Variants in SGCZ observed in about 807,000 individuals in gnomAD.
SGCZ encodes sarcoglycan zeta.
SGCZ carries 40 observed loss-of-function variants against 41.3 expected under a neutral mutation model. The observed-to-expected ratio is 0.97, with a 90% confidence interval of 0.75 to 1.26. The LOEUF (loss-of-function observed/expected upper bound fraction) is 1.26, where lower values mean the gene tolerates loss of function less well. SGCZ is among the 50% of genes most tolerant of loss of function. The probability of loss-of-function intolerance (pLI) is 0.00; values close to 1 mark genes in which losing one functional copy is unlikely to be tolerated. For missense variants in SGCZ, 552 were observed against 369.8 expected, an observed-to-expected ratio of 1.49 and a Z score of -4.04; for synonymous variants, 206 against 137.5, an observed-to-expected ratio of 1.50 and a Z score of -3.49.
intron 1 of SGCZ, among the ~76,000 whole-genome samples, chr8:14,563,366 G>T (rs932988063): frequency 3.9e-5 from 6 of 152,128 alleles, no homozygotes; most frequent in Non-Finnish European, 7.4e-5. Context: ...CTGGATAGAC[G>T]GCAAAGGCTA....
intron 1 of SGCZ, among the ~76,000 whole-genome samples, chr8:14,732,230 T>G (rs1445314043): frequency 6.6e-6 from 1 of 152,150 alleles, no homozygotes; most frequent in Non-Finnish European, 1.5e-5. Context: ...TTCCACCAGC[T>G]TTAAAACACA....
At chr8:14,831,023 G>C (rs1455506855) in intron 1 of SGCZ, among the ~76,000 whole-genome samples, 1 of 152,114 alleles carries the variant, frequency 6.6e-6, no homozygotes, top group Non-Finnish European at 1.5e-5. Flanking sequence ...TGACTCCTAA[G>C]TAATAATGTG....
intron 4 of SGCZ, among the ~76,000 whole-genome samples, chr8:14,166,545 A>T (rs547807799): frequency 9.8e-5 from 15 of 152,288 alleles, no homozygotes; most frequent in African/African-American, 2.6e-4. Flanking sequence ...GATATCTTAC[A>T]CATAAAACCT....
chr8:14,448,673 T>TA (rs1800504310), intron 2 of SGCZ, among the ~76,000 whole-genome samples: 3 of 144,948 alleles, frequency 2.1e-5, no homozygotes, highest in Admixed American at 1.4e-4. Context: ...CCTCAGTTCA[T>TA]AAATGTTCTT....
chr8:14,897,524 G>C (rs1319255986), intron 1 of SGCZ, among the ~76,000 whole-genome samples: 3 of 152,124 alleles, frequency 2.0e-5, no homozygotes, highest in Non-Finnish European at 2.9e-5. Context: ...TCAATGGTGA[G>C]GAAGGCATCC....
chr8:14,325,027 G>T (rs1403010026), intron 2 of SGCZ, among the ~76,000 whole-genome samples: 1 of 152,088 alleles, frequency 6.6e-6, no homozygotes, highest in South Asian at 2.1e-4. Flanking sequence ...GAAAGCAATG[G>T]AGAGTACATT....
chr8:14,412,582 T>A (rs1402616934), intron 2 of SGCZ, among the ~76,000 whole-genome samples: 1 of 152,078 alleles, frequency 6.6e-6, no homozygotes, highest in Non-Finnish European at 1.5e-5. Flanking sequence ...CTGCATTAAC[T>A]TTAAGGAACT....
At chr8:14,572,837 T>C (rs1290718174) in intron 1 of SGCZ, among the ~76,000 whole-genome samples, 2 of 152,198 alleles carry the variant, frequency 1.3e-5, no homozygotes, top group Non-Finnish European at 2.9e-5. Context: ...ACCAGATTTT[T>C]AAATCCAGGT....
At chr8:14,393,344 G>T (rs1804851515) in intron 2 of SGCZ, among the ~76,000 whole-genome samples, 1 of 141,390 alleles carries the variant, frequency 7.1e-6, no homozygotes, top group Non-Finnish European at 1.5e-5. Context: ...ACAGATGAAT[G>T]CCAGCAGGAA....
intron 1 of SGCZ, among the ~76,000 whole-genome samples, chr8:14,982,985 A>T (rs1247467162): frequency 1.3e-5 from 2 of 152,148 alleles, no homozygotes; most frequent in Admixed American, 1.3e-4. Context: ...CCTATTAGCT[A>T]TTTGGCCTGG....
chr8:15,177,529 T>C (rs977559046), intron 1 of SGCZ, among the ~76,000 whole-genome samples: 4 of 152,192 alleles, frequency 2.6e-5, no homozygotes, highest in African/African-American at 9.6e-5. Flanking sequence ...GCATTGTAAA[T>C]GATCATTTTT....
At chr8:14,702,826 TAGATAGATAGATA>T (rs1220923654) in intron 1 of SGCZ, among the ~76,000 whole-genome samples, 3 of 26,656 alleles carry the variant, frequency 1.1e-4, no homozygotes, top group South Asian at 2.6e-3. Flanking sequence ...GATAGATAGA[TAGATAGATAGATA>T]GATAGATAGA....
intron 3 of SGCZ, among the ~76,000 whole-genome samples, chr8:14,282,915 T>A (rs1288489719): frequency 1.5e-5 from 2 of 133,342 alleles, no homozygotes; most frequent in Non-Finnish European, 3.1e-5. Flanking sequence ...AGTGGCGCGA[T>A]CTCAGCTCAC....
At chr8:14,325,617 A>G (rs1488477387) in intron 2 of SGCZ, among the ~76,000 whole-genome samples, 1 of 147,174 alleles carries the variant, frequency 6.8e-6, no homozygotes, top group East Asian at 1.9e-4. Flanking sequence ...TATATAATAT[A>G]TAGTTGATCA....
At chr8:14,178,792 G>A (rs1453587393) in intron 4 of SGCZ, among the ~76,000 whole-genome samples, 5 of 152,214 alleles carry the variant, frequency 3.3e-5, no homozygotes, top group African/African-American at 1.2e-4. Context: ...TAAATAAATT[G>A]AGTAAATGTA....
intron 5 of SGCZ, among the ~76,000 whole-genome samples, chr8:14,116,016 T>C (rs1378064950): frequency 2.0e-5 from 3 of 152,110 alleles, no homozygotes; most frequent in Admixed American, 1.3e-4. Flanking sequence ...TCAGCAGCAC[T>C]TTCATTGCTT....
intron 4 of SGCZ, among the ~76,000 whole-genome samples, chr8:14,198,191 T>G (rs923579017): frequency 5.3e-5 from 8 of 152,320 alleles, no homozygotes; most frequent in African/African-American, 1.9e-4. Context: ...ACCTGGGACA[T>G]GAATCAGTCA....
rs1361234948 is a variant in SGCZ, at chr8:14,954,635, C to A, written c.39+282950G>T. Among the ~76,000 whole-genome samples, 10 of 152,148 alleles carry A rather than the reference C, an allele frequency of 6.6e-5. No homozygotes were observed. The East Asian group carries it at 1.7e-3, about 26-fold the overall frequency. Reference sequence around the variant, plus strand: ...CAAAGAAGAGGTAAGGGGCAATGGGCAGCTTCCAGCCAACAGCCAAAAAAG... The same window carrying A: ...CAAAGAAGAGGTAAGGGGCAATGGGAAGCTTCCAGCCAACAGCCAAAAAAG... On this transcript the variant is annotated intron_variant, in intron 1 of 7. Coordinates refer to ENST00000382080, the MANE Select transcript of SGCZ (RefSeq NM_139167.4).
At chr8:14,346,637 A>G (rs1802899621) in intron 2 of SGCZ, among the ~76,000 whole-genome samples, 2 of 152,082 alleles carry the variant, frequency 1.3e-5, no homozygotes, top group African/African-American at 2.4e-5. Context: ...AAAATATCAC[A>G]TGGAAAGTTT....
Sources: allele counts gnomAD v4.1 joint callset (sites outside exome capture counted in the v4.1 genomes callset), GRCh38; gene constraint gnomAD v4.1.1; transcripts MANE v1.5; gene names NCBI Gene and HGNC (gene_info 2026-07-23, HGNC 2026-07-21).